The following SLAIN2 variants were observed in gnomAD, a reference collection of about 807,000 sequenced individuals.
SLAIN2 encodes SLAIN motif-containing protein 2.
A neutral mutation model predicts 56.6 loss-of-function variants in SLAIN2; 31 were observed. The observed-to-expected ratio is 0.55, with a 90% CI of 0.41 to 0.74. The LOEUF (loss-of-function observed/expected upper bound fraction) is 0.74. SLAIN2 is among the 30% of genes least tolerant of loss of function. The pLI, the probability that SLAIN2 is intolerant of heterozygous loss-of-function variation, is 0.00. For missense variants in SLAIN2, 777 were observed against 754.2 expected (o/e 1.03, Z -0.35); for synonymous variants, 317 against 284.9 (o/e 1.11, Z -1.13).
At chr4:48,396,431 CAG>C (rs1224792321) in intron 6 of SLAIN2, among the ~76,000 whole-genome samples, 1 of 152,150 alleles carries the variant, frequency 6.6e-6, no homozygotes, top group Non-Finnish European at 1.5e-5. Flanking sequence ...GAAATGGACA[CAG>C]ATATAAGGTA....
At chr4:48,392,666 T>A (rs1716266433) in intron 6 of SLAIN2, among the ~76,000 whole-genome samples, 1 of 152,118 alleles carries the variant, frequency 6.6e-6, no homozygotes, top group Admixed American at 6.6e-5. Context: ...TTACTTCCTA[T>A]CTTTTTTCAG....
chr4:48,362,750 CT>C (rs66847310), intron 1 of SLAIN2, among the ~76,000 whole-genome samples: 27,312 of 93,138 alleles, frequency 0.29, 3,050 homozygotes, highest in South Asian at 0.46. Flanking sequence ...TTTTTTTATT[CT>C]TTTTTTTTTT....
chr4:48,361,343 A>C (rs1421096545), intron 1 of SLAIN2, among the ~76,000 whole-genome samples: 5 of 152,212 alleles, frequency 3.3e-5, no homozygotes, highest in Admixed American at 3.3e-4. Flanking sequence ...CCAGGAATAG[A>C]AATTAATTCC....
chr4:48,394,741 T>C (rs944553172), intron 6 of SLAIN2: 15 of 930,500 alleles, frequency 1.6e-5, no homozygotes, highest in Admixed American at 8.0e-5. Context: ...CAGTGGTGTC[T>C]GTAAGGCACA....
At chr4:48,407,207 T>A (rs1716720494) in intron 6 of SLAIN2, among the ~76,000 whole-genome samples, 1 of 152,122 alleles carries the variant, frequency 6.6e-6, no homozygotes, top group African/African-American at 2.4e-5. Context: ...AAAGTTTGTT[T>A]TCATTGTCTG....
Position 48,420,295 on chromosome 4 carries a change from T to C in SLAIN2, c.1531T>C (p.Ser511Pro). 6.2e-7 allele frequency: 1 copy of C among 1,613,912 alleles called. No individual in the cohort carries two copies. The highest frequency in any genetic ancestry group is 8.5e-7 in the Non-Finnish European group (1 of 1,179,860). Reference sequence around the variant, plus strand: ...GCCTCCTATGGTTCAGAGCACAGTCTCAGCAAATCCTCCCAGCAATATCAA... The same window carrying C: ...GCCTCCTATGGTTCAGAGCACAGTCCCAGCAAATCCTCCCAGCAATATCAA... ...PGPPMVQSTVSANPPSNINSA... is the reference protein window; with the variant it reads ...PGPPMVQSTVPANPPSNINSA... Residue 511 changes from serine to proline, a missense_variant, in exon 7 of 8, where the codon TCA becomes CCA. Ser to Pro is a moderately conservative substitution (Grantham distance 74, BLOSUM62 -1). Transcript: ENST00000264313.
At chr4:48,353,623 C>T (rs1009916407) in intron 1 of SLAIN2, among the ~76,000 whole-genome samples, 2 of 152,056 alleles carry the variant, frequency 1.3e-5, no homozygotes, top group African/African-American at 4.8e-5. Context: ...GATCAAAGGA[C>T]ATAGTTTTGA....
chr4:48,341,783 G>A lies in SLAIN2; in HGVS notation c.44G>A (p.Arg15Gln). 1.3e-6 allele frequency: 2 copies of A among 1,529,708 alleles called. No individual in the cohort carries two copies. The highest frequency in any genetic ancestry group is 1.2e-5 in the South Asian group (1 of 81,852). The allele number at this position is 1,529,708 out of a possible 1,614,324, so 94.8% of individuals were successfully genotyped here. A position where few individuals can be genotyped will look rare whatever the true frequency, so the allele number is the denominator to read the frequency against. The stretch of plus-strand genomic sequence containing the variant: ...AACGTGAACGCGGACCAGGAGGTGC[G>A]GAAGCTGCAGGAGCTGGTGAAGAAG... ...NSNVNADQEV[R>Q]KLQELVKKLE... The change falls in exon 1 of 8, where the codon CGG (arginine) becomes CAG (glutamine). Residue 15 changes from arginine (R) to glutamine (Q), a missense_variant. Transcript: ENST00000264313.
chr4:48,398,662 A>T (rs1716471193), intron 6 of SLAIN2, among the ~76,000 whole-genome samples: 1 of 152,072 alleles, frequency 6.6e-6, no homozygotes, highest in Admixed American at 6.6e-5. Flanking sequence ...CATCTTGAGT[A>T]AATTTTTTAT....
intron 6 of SLAIN2, among the ~76,000 whole-genome samples, chr4:48,399,096 A>C (rs1468530934): frequency 6.6e-6 from 1 of 152,144 alleles, no homozygotes; most frequent in Admixed American, 6.5e-5. Flanking sequence ...CAGTATGGCC[A>C]TTTTCATGAT....
chr4:48,357,205 T>C (rs754363357), intron 1 of SLAIN2, among the ~76,000 whole-genome samples: 10 of 151,908 alleles, frequency 6.6e-5, no homozygotes, highest in Non-Finnish European at 1.0e-4. Context: ...ATGAACAATC[T>C]AGAAGTTCAA....
At chr4:48,373,631 T>C (rs1715726365) in intron 2 of SLAIN2, among the ~76,000 whole-genome samples, 1 of 151,994 alleles carries the variant, frequency 6.6e-6, no homozygotes, top group South Asian at 2.1e-4. Flanking sequence ...ATTTTTTTAG[T>C]GGTATATATA....
At chr4:48,386,023 G>A (rs1258647279) in intron 6 of SLAIN2, among the ~76,000 whole-genome samples, 2 of 147,336 alleles carry the variant, frequency 1.4e-5, no homozygotes, top group Non-Finnish European at 3.0e-5. Context: ...TGGGAGGATT[G>A]CTTGAGCCCA....
At position 48,378,066 on chromosome 4, in the gene SLAIN2, G is replaced by GCTC. The variant is rs759383753; in HGVS notation, c.703+6_703+7insCTC. The GCTC allele has an allele frequency of 6.2e-7, 1 of 1,611,592 alleles. No homozygotes were observed. The highest frequency in any genetic ancestry group is 2.2e-5 in the East Asian group (1 of 44,810). On this transcript the variant is annotated splice_region_variant and intron_variant, in intron 3 of 7. Coordinates refer to ENST00000264313, the MANE Select transcript of SLAIN2 (RefSeq NM_020846.2). ...TATACTTCCTGGAAATTCAGGTAAGGAGAAAATGATATGGAGCTATTAAGG... is the reference window on the plus strand; with the variant it reads ...TATACTTCCTGGAAATTCAGGTAAGGCTCAGAAAATGATATGGAGCTATTAAGG...
In SLAIN2 at chr4:48,370,093, G is replaced by A. The variant is rs1364716855; in HGVS notation, c.538+96G>A. 2.0e-5 allele frequency: 25 copies of A among 1,259,864 alleles called. No individual in the cohort carries two copies. The East Asian group carries it at 6.3e-4, about 32-fold the overall frequency. 78.0% of individuals were successfully genotyped at this position (1,259,864 alleles called of 1,614,324 possible). A position where few individuals can be genotyped will look rare whatever the true frequency, so the allele number is the denominator to read the frequency against. ...TTGTGTTTTTAGGAAGCAATTCTTT[G>A]GAGCATTTTTCAAATCTCATTGTTC... On this transcript the variant is annotated intron_variant, in intron 2 of 7. Coordinates refer to ENST00000264313, the MANE Select transcript of SLAIN2 (RefSeq NM_020846.2).
At chr4:48,404,256 G>T (rs1716635047) in intron 6 of SLAIN2, among the ~76,000 whole-genome samples, 1 of 152,220 alleles carries the variant, frequency 6.6e-6, no homozygotes, top group African/African-American at 2.4e-5. Context: ...CATTTCTAAT[G>T]ATTAGATTTT....
intron 1 of SLAIN2, 106 bp downstream of exon 1, chr4:48,342,234 C>G (rs1434057001): frequency 7.8e-7 from 1 of 1,281,954 alleles, no homozygotes; most frequent in African/African-American, 1.6e-5. Flanking sequence ...GTAGCCGGGT[C>G]CGCTCTCCTG....
chr4:48,364,995 T>A (rs1715472063), intron 1 of SLAIN2, among the ~76,000 whole-genome samples: 1 of 152,172 alleles, frequency 6.6e-6, no homozygotes, highest in African/African-American at 2.4e-5. Context: ...TGGTAATTTG[T>A]TTCCTAGGAA....
chr4:48,357,239 AAT>A (rs905303535), intron 1 of SLAIN2, among the ~76,000 whole-genome samples: 3 of 152,082 alleles, frequency 2.0e-5, no homozygotes, highest in African/African-American at 7.2e-5. Context: ...ATTTGAACTG[AAT>A]ATGTTTTTCT....
Sources: gnomAD v4.1 joint callset for allele counts (sites outside exome capture counted in the v4.1 genomes callset) on GRCh38, gnomAD v4.1.1 for gene constraint, MANE v1.5 for transcripts, NCBI Gene and HGNC (gene_info 2026-07-23, HGNC 2026-07-21) for gene names.